ANK3: variants seen among roughly 807,000 people sequenced by gnomAD.
ANK3 encodes ankyrin 3.
Under a neutral mutation model 370.9 loss-of-function variants are expected in ANK3, and 57 were observed. The observed-to-expected ratio is 0.15, with a 90% confidence interval of 0.12 to 0.19. ANK3 has a LOEUF of 0.19. Among genes scored for constraint, ANK3 ranks in the 10% least tolerant of loss-of-function variants. The pLI, the probability that ANK3 is intolerant of heterozygous loss-of-function variation, is 1.00. For missense variants in ANK3, 4,439 were observed against 5,302.1 expected (o/e 0.84, Z 5.06); for synonymous variants, 1,929 against 1,946.3 (o/e 0.99, Z 0.23).
intron 2 of ANK3, among the ~76,000 whole-genome samples, chr10:60,457,394 A>C (rs1265127109): frequency 1.3e-5 from 2 of 152,176 alleles, no homozygotes; most frequent in Non-Finnish European, 2.9e-5. Context: ...AATGAGGAGA[A>C]GATAAAGGCT....
intron 25 of ANK3, among the ~76,000 whole-genome samples, chr10:60,121,441 CA>C (rs2093465683): frequency 6.6e-6 from 1 of 150,850 alleles, no homozygotes; most frequent in African/African-American, 2.4e-5. Context: ...TCTGTAATCC[CA>C]GCACTTTGGG....
chr10:60,465,329 G>A (rs915737596), intron 2 of ANK3, among the ~76,000 whole-genome samples: 1 of 152,004 alleles, frequency 6.6e-6, no homozygotes, highest in Non-Finnish European at 1.5e-5. Flanking sequence ...ACTGAGACTT[G>A]TGTAGGAATT....
intron 1 of ANK3, among the ~76,000 whole-genome samples, chr10:60,679,965 T>A (rs2079172820): frequency 1.3e-5 from 2 of 151,572 alleles, no homozygotes; most frequent in African/African-American, 4.8e-5. Context: ...GTGAAACCTC[T>A]CTCTACTAAA....
chr10:60,724,209 CAAAA>C (rs398013720), intron 1 of ANK3, among the ~76,000 whole-genome samples: 2 of 54,618 alleles, frequency 3.7e-5, no homozygotes, highest in Non-Finnish European at 6.5e-5. Context: ...GACTCCGTCT[CAAAA>C]AAAAAAAAAA....
At chr10:60,180,044 AT>A (rs1223848473) in intron 18 of ANK3, among the ~76,000 whole-genome samples, 1 of 152,162 alleles carries the variant, frequency 6.6e-6, no homozygotes, top group South Asian at 2.1e-4. Flanking sequence ...GAATGAAGAC[AT>A]TTACCATAAA....
chr10:60,620,240 A>C (rs776714322), intron 1 of ANK3, among the ~76,000 whole-genome samples: 3 of 152,212 alleles, frequency 2.0e-5, no homozygotes, highest in Admixed American at 6.5e-5. Flanking sequence ...ATGATAAAAA[A>C]GAATTATTCT....
At chr10:60,126,637 G>A (rs984684687) in intron 25 of ANK3, among the ~76,000 whole-genome samples, 40 of 151,490 alleles carry the variant, frequency 2.6e-4, no homozygotes, top group African/African-American at 9.7e-4. Context: ...GCAGTGAGCT[G>A]AGGTCATGCC....
intron 2 of ANK3, among the ~76,000 whole-genome samples, chr10:60,442,801 ACT>A (rs1335947498): frequency 1.3e-5 from 2 of 152,166 alleles, no homozygotes; most frequent in Non-Finnish European, 2.9e-5. Context: ...TCCCCCACAA[ACT>A]CTATGCAGCA....
At chr10:60,435,741 T>G (rs2064138892) in intron 2 of ANK3, among the ~76,000 whole-genome samples, 1 of 152,242 alleles carries the variant, frequency 6.6e-6, no homozygotes, top group Admixed American at 6.5e-5. Flanking sequence ...TCTGGACATT[T>G]CATATAAATG....
Position 60,105,888 on chromosome 10 carries a change from G to A in ANK3, c.3328+17C>T. 1.9e-6 allele frequency: 3 copies of A among 1,595,184 alleles called. No individual in the cohort carries two copies. Among genetic ancestry groups the A allele is most frequent in the South Asian group, 2.3e-5 (2 of 87,620 alleles). On this transcript the variant is annotated intron_variant, in intron 28 of 43. Transcript: ENST00000280772. ...TGCCTGCAGACATTTACAGAACCAAGGAGCCATCATTATTACCTTCATCCA... is the reference window on the plus strand; with the variant it reads ...TGCCTGCAGACATTTACAGAACCAAAGAGCCATCATTATTACCTTCATCCA...
intron 8 of ANK3, among the ~76,000 whole-genome samples, chr10:60,214,455 T>C (rs1045220708): frequency 6.6e-6 from 1 of 152,088 alleles, no homozygotes; most frequent in African/African-American, 2.4e-5. Context: ...CACAGGTACA[T>C]GTGTGCCATG....
intron 1 of ANK3, among the ~76,000 whole-genome samples, chr10:60,313,884 C>T (rs1397540699): frequency 6.6e-6 from 1 of 151,954 alleles, no homozygotes; most frequent in African/African-American, 2.4e-5. Flanking sequence ...GCACCTCCAG[C>T]CTGCATCACC....
In ANK3 at chr10:60,636,671, A is replaced by G. The variant is rs143146594; in HGVS notation, c.58-21447T>C. Among the ~76,000 whole-genome samples, 286 of 152,336 alleles carry G rather than the reference A, an allele frequency of 1.9e-3. 2 individuals carry two copies. The highest frequency in any genetic ancestry group is 6.5e-3 in the African/African-American group (272 of 41,586). ...ATGCCTGCACTGAAGTGCAATGTCT[A>G]CTGCTTAGATGACAAGAAAGAATCA... On this transcript the variant is annotated intron_variant, in intron 1 of 43. Transcript: ENST00000373827.
chr10:60,145,930 G>T, intron 23 of ANK3: 1 of 720,068 alleles, frequency 1.4e-6, no homozygotes, highest in Non-Finnish European at 2.5e-6. Context: ...TTCAAAATGG[G>T]AACTATATTT....
chr10:60,712,634 G>C (rs1564605157), intron 1 of ANK3, among the ~76,000 whole-genome samples: 1 of 152,060 alleles, frequency 6.6e-6, no homozygotes. Context: ...AACACAAAGG[G>C]TTTAAATGCA....
At chr10:60,422,493 T>C (rs1485295766) in intron 2 of ANK3, among the ~76,000 whole-genome samples, 1 of 152,116 alleles carries the variant, frequency 6.6e-6, no homozygotes, top group Non-Finnish European at 1.5e-5. Flanking sequence ...TCTATGCTTC[T>C]AGGGACACGG....
chr10:60,255,442 G>A (rs1298806488), intron 7 of ANK3, among the ~76,000 whole-genome samples: 2 of 152,148 alleles, frequency 1.3e-5, no homozygotes, highest in African/African-American at 4.8e-5. Context: ...GGGGACCAAA[G>A]GAAAACCTAG....
At chr10:60,378,732 C>G (rs2061148414) in intron 1 of ANK3, among the ~76,000 whole-genome samples, 1 of 151,926 alleles carries the variant, frequency 6.6e-6, no homozygotes, top group African/African-American at 2.4e-5. Context: ...AAATATAAGA[C>G]CCCAAATGAT....
At chr10:60,152,884 A>G (rs1049399412) in intron 23 of ANK3, among the ~76,000 whole-genome samples, 2 of 152,054 alleles carry the variant, frequency 1.3e-5, no homozygotes, top group African/African-American at 2.4e-5. Context: ...TAAAAATCTC[A>G]GTATCTAATT....
Sources: allele counts gnomAD v4.1 joint callset (sites outside exome capture counted in the v4.1 genomes callset), GRCh38; gene constraint gnomAD v4.1.1; transcripts MANE v1.5; gene names NCBI Gene and HGNC (gene_info 2026-07-23, HGNC 2026-07-21).